Variants in RFX7 observed in about 807,000 individuals in gnomAD.
RFX7 encodes DNA-binding protein RFX7.
RFX7 carries 26 observed loss-of-function variants against 111.8 expected under a neutral mutation model. The observed-to-expected ratio is 0.23, with a 90% CI of 0.17 to 0.32. RFX7 has a LOEUF of 0.32. RFX7 is among the 10% of genes least tolerant of loss of function. The pLI is 1.00. For missense variants in RFX7, 1,573 were observed against 1,772.9 expected (o/e 0.89, Z 2.02); for synonymous variants, 624 against 624.4 (o/e 1.00, Z 0.01).
At chr15:56,125,393 A>G (rs1205551825) in intron 5 of RFX7, among the ~76,000 whole-genome samples, 1 of 152,156 alleles carries the variant, frequency 6.6e-6, no homozygotes, top group Non-Finnish European at 1.5e-5. Flanking sequence ...TGAAGAATAC[A>G]ATCAGTATTT....
At chr15:56,197,516 G>A (rs754098274) in intron 2 of RFX7, among the ~76,000 whole-genome samples, 1 of 151,128 alleles carries the variant, frequency 6.6e-6, no homozygotes, top group Non-Finnish European at 1.5e-5. Context: ...TGATGTGATA[G>A]TTTTTTTTTC....
chr15:56,192,125 A>C (rs2043106373), intron 2 of RFX7, among the ~76,000 whole-genome samples: 1 of 152,186 alleles, frequency 6.6e-6, no homozygotes, highest in African/African-American at 2.4e-5. Context: ...GAAAATACAC[A>C]GAAATAAACA....
rs534801602 is a variant in RFX7, at chr15:56,217,964, C to A, written c.161+25161G>T. Among the ~76,000 whole-genome samples the A allele has an allele frequency of 4.6e-5, 7 of 151,972 alleles. No individual in the cohort carries two copies. The South Asian group carries it at 1.5e-3, about 32-fold the overall frequency. On this transcript the variant is annotated intron_variant, in intron 2 of 9. Transcript: ENST00000559447. ...TCAGCTCTATCTGTAAATTCTGCAT[C>A]CATGGATTCAACCAACCACAAATTG...
chr15:56,198,841 T>TA (rs1596003958), intron 2 of RFX7, among the ~76,000 whole-genome samples: 2 of 152,104 alleles, frequency 1.3e-5, no homozygotes, highest in African/African-American at 4.8e-5. Context: ...TCCTTTTGTA[T>TA]ACATTCGAAA....
chr15:56,154,127 A>G (rs760711099), intron 3 of RFX7, among the ~76,000 whole-genome samples: 1 of 119,210 alleles, frequency 8.4e-6, no homozygotes, highest in African/African-American at 2.9e-5. Flanking sequence ...CAAGGAAATA[A>G]GAGAAGACAC....
At chr15:56,103,266 T>C (rs1455747811) in intron 6 of RFX7, among the ~76,000 whole-genome samples, 1 of 151,992 alleles carries the variant, frequency 6.6e-6, no homozygotes, top group Admixed American at 6.6e-5. Flanking sequence ...TCAAAACTTC[T>C]TACTGTTAAA....
chr15:56,143,605 GCTACT>G (rs1232020151), intron 4 of RFX7, among the ~76,000 whole-genome samples: 7 of 152,058 alleles, frequency 4.6e-5, no homozygotes, highest in African/African-American at 1.7e-4. Flanking sequence ...GACAAGGGAA[GCTACT>G]CTACTGATTG....
At chr15:56,113,053 G>A (rs1225457116) in intron 5 of RFX7, among the ~76,000 whole-genome samples, 1 of 152,170 alleles carries the variant, frequency 6.6e-6, no homozygotes, top group Admixed American at 6.5e-5. Flanking sequence ...CACTGTTGGT[G>A]GGAATGTAAA....
At chr15:56,155,692 ACTAGGGCACATGAATAC>A (rs2042643398) in intron 3 of RFX7, among the ~76,000 whole-genome samples, 1 of 152,214 alleles carries the variant, frequency 6.6e-6, no homozygotes, top group South Asian at 2.1e-4. Context: ...ACAGCAAAGC[ACTAGGGCACATGAATAC>A]CTATGTAACA....
chr15:56,171,648 T>G (rs1385756544), intron 3 of RFX7, among the ~76,000 whole-genome samples: 15 of 152,226 alleles, frequency 9.9e-5, no homozygotes, highest in African/African-American at 3.4e-4. Context: ...GTCAGACTGC[T>G]GGCACACAGA....
At chr15:56,218,980 A>T (rs1400695758) in intron 2 of RFX7, among the ~76,000 whole-genome samples, 1 of 152,232 alleles carries the variant, frequency 6.6e-6, no homozygotes, top group African/African-American at 2.4e-5. Flanking sequence ...ATTAGATAAA[A>T]AAGTAGTGAG....
rs747275131 is a variant in RFX7, at chr15:56,095,094, A to G, written c.2634T>C (p.Phe878=). The part of the protein sequence containing the change: ...VSQTNESYFP[F]DDELTQDSIV... Reference sequence around the variant, plus strand: ...TACTATCTTGTGTAAGTTCATCATCAAAAGGAAAGTAGCTTTCATTTGTCT... The same window carrying G: ...TACTATCTTGTGTAAGTTCATCATCGAAAGGAAAGTAGCTTTCATTTGTCT... The change falls in exon 10 of 10, where the codon TTT becomes TTC. Residue 878 remains phenylalanine, a synonymous_variant. Transcript: ENST00000559447. 21 of 1,613,904 alleles carry G rather than the reference A, an allele frequency of 1.3e-5. No individual in the cohort carries two copies. Among genetic ancestry groups the G allele is most frequent in the Non-Finnish European group, 1.5e-5 (18 of 1,179,836 alleles).
intron 2 of RFX7, among the ~76,000 whole-genome samples, chr15:56,202,066 C>T (rs2043198329): frequency 6.6e-6 from 1 of 151,928 alleles, no homozygotes; most frequent in Non-Finnish European, 1.5e-5. Context: ...ACAAAAACCA[C>T]ACAGCCACAC....
At chr15:56,181,975 A>C (rs746149579) in intron 2 of RFX7, among the ~76,000 whole-genome samples, 1 of 152,074 alleles carries the variant, frequency 6.6e-6, no homozygotes, top group African/African-American at 2.4e-5. Context: ...TGAACTGTGC[A>C]TGTGAGGGAT....
chr15:56,190,612 A>T (rs2043090369), intron 2 of RFX7, among the ~76,000 whole-genome samples: 1 of 152,164 alleles, frequency 6.6e-6, no homozygotes, highest in Non-Finnish European at 1.5e-5. Context: ...TCTTAAAAAA[A>T]TATGATTCCT....
At chr15:56,206,774 T>C (rs181037485) in intron 2 of RFX7, among the ~76,000 whole-genome samples, 30 of 152,064 alleles carry the variant, frequency 2.0e-4, no homozygotes, top group Admixed American at 5.9e-4. Context: ...ATGTTCTCAC[T>C]TACTTGTGGA....
In RFX7 at chr15:56,135,798, T is replaced by A. The variant is rs1444617786; in HGVS notation, c.401+6980A>T. On this transcript the variant is annotated intron_variant, in intron 5 of 9. Transcript: ENST00000559447. ...ATCTTGAATTGATTTTTGTAAAAGG[T>A]GTAAGGAAGGGATCCAGTTTCAGCT... 1.0e-3 allele frequency among the ~76,000 whole-genome samples: 157 copies of A among 151,936 alleles called. 1 individual carries two copies. Among genetic ancestry groups the A allele is most frequent in the African/African-American group, 3.6e-3 (150 of 41,484 alleles).
At chr15:56,149,812 T>G (rs2042542409) in intron 3 of RFX7, among the ~76,000 whole-genome samples, 1 of 151,982 alleles carries the variant, frequency 6.6e-6, no homozygotes, top group Non-Finnish European at 1.5e-5. Flanking sequence ...TTTTTTTTTT[T>G]TCTTCTTTGC....
At chr15:56,201,249 T>C (rs2043190662) in intron 2 of RFX7, among the ~76,000 whole-genome samples, 2 of 152,198 alleles carry the variant, frequency 1.3e-5, no homozygotes, top group South Asian at 2.1e-4. Context: ...ATCCCAAATC[T>C]GGTCCAAAAA....
Sources: allele counts gnomAD v4.1 joint callset (sites outside exome capture counted in the v4.1 genomes callset), GRCh38; gene constraint gnomAD v4.1.1; transcripts MANE v1.5; gene names NCBI Gene and HGNC (gene_info 2026-07-23, HGNC 2026-07-21).